SLC9A7: variants seen among roughly 807,000 people sequenced by gnomAD.
SLC9A7 encodes solute carrier family 9 member A7, also known as sodium/hydrogen exchanger 7.
Under a neutral mutation model 52.6 loss-of-function variants are expected in SLC9A7, and 19 were observed. The observed-to-expected ratio is 0.36, with a 90% confidence interval of 0.25 to 0.53. The LOEUF (loss-of-function observed/expected upper bound fraction) is 0.53. SLC9A7 is among the 20% of genes least tolerant of loss of function. SLC9A7 has a pLI of 0.91. For missense variants in SLC9A7, 455 were observed against 597.9 expected (o/e 0.76, Z 2.49); for synonymous variants, 226 against 252.1 (o/e 0.90, Z 0.98).
chrX:46,682,960 ATTTTTTTTT>A (rs1169630244), intron 1 of SLC9A7, among the ~76,000 whole-genome samples: 1 of 64,908 alleles, frequency 1.5e-5, no homozygotes, highest in Admixed American at 1.6e-4. Flanking sequence ...CACCCGGCTA[ATTTTTTTTT>A]TTTTTTTTTT....
intron 12 of SLC9A7, among the ~76,000 whole-genome samples, chrX:46,640,617 G>A (rs1943391547): frequency 8.9e-6 from 1 of 111,799 alleles, no homozygotes; most frequent in African/African-American, 3.3e-5. Flanking sequence ...TACACACTGG[G>A]AAAAAATATT....
intron 11 of SLC9A7, among the ~76,000 whole-genome samples, chrX:46,646,079 T>C: frequency 9.0e-6 from 1 of 110,721 alleles, no homozygotes; most frequent in Admixed American, 9.6e-5. Flanking sequence ...AAACTGTTTT[T>C]TTTTGTTTTT....
intron 11 of SLC9A7, among the ~76,000 whole-genome samples, chrX:46,648,250 T>C (rs182226224): frequency 8.8e-4 from 99 of 112,115 alleles, no homozygotes; most frequent in Non-Finnish European, 1.7e-3. Context: ...AGCTAATTAG[T>C]TCAATTTCAT....
At chrX:46,739,587 A>G (rs1468136483) in intron 1 of SLC9A7, among the ~76,000 whole-genome samples, 2 of 110,922 alleles carry the variant, frequency 1.8e-5, no homozygotes, top group Non-Finnish European at 3.8e-5. Flanking sequence ...GGCTCTGGTA[A>G]TACTACCTTC....
intron 7 of SLC9A7, among the ~76,000 whole-genome samples, chrX:46,659,028 AT>A (rs1305789883): frequency 9.0e-6 from 1 of 111,036 alleles, no homozygotes; most frequent in African/African-American, 3.3e-5. Flanking sequence ...ATCCACCATG[AT>A]CAAGTGGGCT....
At chrX:46,750,601 C>T (rs1479078187) in intron 1 of SLC9A7, among the ~76,000 whole-genome samples, 1 of 112,111 alleles carries the variant, frequency 8.9e-6, no homozygotes, top group Non-Finnish European at 1.9e-5. Flanking sequence ...CCTCCCGCTT[C>T]GGCCTCCCAA....
chrX:46,619,724 TTTTC>T (rs776568718), intron 15 of SLC9A7, among the ~76,000 whole-genome samples: 4 of 82,135 alleles, frequency 4.9e-5, no homozygotes, highest in Non-Finnish European at 6.6e-5. Context: ...GGTTTGGCAA[TTTTC>T]TTTCTTTCTT....
At chrX:46,737,070 T>C (rs759223008) in intron 1 of SLC9A7, among the ~76,000 whole-genome samples, 65 of 111,835 alleles carry the variant, frequency 5.8e-4, no homozygotes, top group Non-Finnish European at 9.4e-4. Context: ...CTCTTCTCCT[T>C]CCCCAATTAC....
intron 3 of SLC9A7, among the ~76,000 whole-genome samples, chrX:46,673,749 C>T (rs939239877): frequency 1.8e-5 from 2 of 111,599 alleles, no homozygotes; most frequent in Non-Finnish European, 3.8e-5. Flanking sequence ...TGCAGGCGTC[C>T]TCTGGTCTGC....
chrX:46,663,376 C>T (rs1194446392), intron 5 of SLC9A7, among the ~76,000 whole-genome samples: 6 of 101,656 alleles, frequency 5.9e-5, no homozygotes, highest in Non-Finnish European at 1.2e-4. Context: ...TGGTGGCTTA[C>T]GCCTGTAATC....
Position 46,617,303 on chromosome X carries a change from T to C in SLC9A7, c.1823+3674A>G, listed in dbSNP as rs763007603. The stretch of plus-strand genomic sequence containing the variant: ...TTTCTAATAATCTTCTCTAGTATCA[T>C]GACTGAAAAAGCCTTTCAACTCTCT... On this transcript the variant is annotated intron_variant, in intron 15 of 16. Coordinates refer to ENST00000616978, the MANE Select transcript of SLC9A7 (RefSeq NM_001257291.2). Among the ~76,000 whole-genome samples the C allele has an allele frequency of 2.7e-5, 3 of 112,157 alleles. No homozygotes were observed. The South Asian group carries it at 1.1e-3, about 41-fold the overall frequency.
At chrX:46,615,337 G>A (rs964925519) in intron 15 of SLC9A7, among the ~76,000 whole-genome samples, 1 of 111,962 alleles carries the variant, frequency 8.9e-6, no homozygotes, top group Admixed American at 9.5e-5. Context: ...CAACGCGCCC[G>A]GCCTGGAGCT....
At position 46,602,013 on chromosome X, in the gene SLC9A7, A is replaced by C. The variant is rs1461019935; in HGVS notation, c.*4939T>G. Reference sequence around the variant, plus strand: ...GATAGGTGAAGGAAAAGAAAATCTGACTCCAGAGGGGACTATTAATTTAAT... The same window carrying C: ...GATAGGTGAAGGAAAAGAAAATCTGCCTCCAGAGGGGACTATTAATTTAAT... On this transcript the variant is annotated 3_prime_UTR_variant, in exon 17 of 17. Coordinates refer to ENST00000616978, the MANE Select transcript of SLC9A7 (RefSeq NM_001257291.2). 2 of 109,097 alleles carry C rather than the reference A, an allele frequency of 1.8e-5. No homozygotes were observed. The highest frequency in any genetic ancestry group is 6.6e-5 in the African/African-American group (2 of 30,177). 9.0% of individuals were successfully genotyped at this position (109,097 alleles called of 1,213,427 possible).
At chrX:46,738,026 CA>C (rs1400227047) in intron 1 of SLC9A7, among the ~76,000 whole-genome samples, 1 of 71,215 alleles carries the variant, frequency 1.4e-5, no homozygotes, top group African/African-American at 5.8e-5. Flanking sequence ...GACCCTGTCT[CA>C]AAAAAAAGAA....
At chrX:46,661,340 T>C (rs1943818128) in intron 7 of SLC9A7, among the ~76,000 whole-genome samples, 2 of 109,891 alleles carry the variant, frequency 1.8e-5, no homozygotes, top group Non-Finnish European at 3.8e-5. Context: ...ACCTGCACAT[T>C]GTGCACATGT....
intron 11 of SLC9A7, chrX:46,646,977 T>C: frequency 3.0e-6 from 1 of 333,749 alleles, no homozygotes; most frequent in Non-Finnish European, 5.8e-6. Flanking sequence ...CTATGAGAGG[T>C]GGTGGGACAT....
chrX:46,655,131 C>T (rs1424818034), intron 7 of SLC9A7, among the ~76,000 whole-genome samples: 1 of 108,864 alleles, frequency 9.2e-6, no homozygotes, highest in Non-Finnish European at 1.9e-5. Context: ...ATTACAGGTG[C>T]ACACCACCAC....
chrX:46,616,626 C>A (rs770484995), intron 15 of SLC9A7, among the ~76,000 whole-genome samples: 1 of 111,623 alleles, frequency 9.0e-6, no homozygotes, highest in South Asian at 3.7e-4. Context: ...TGTTATTTTT[C>A]TTCCTTCTTA....
intron 13 of SLC9A7, among the ~76,000 whole-genome samples, chrX:46,633,014 C>T (rs763283130): frequency 9.1e-6 from 1 of 110,009 alleles, no homozygotes; most frequent in Non-Finnish European, 1.9e-5. Flanking sequence ...CTTGCACCTT[C>T]CTCATTCTGA....
Sources: allele counts gnomAD v4.1 joint callset (sites outside exome capture counted in the v4.1 genomes callset), GRCh38; gene constraint gnomAD v4.1.1; transcripts MANE v1.5; gene names NCBI Gene and HGNC (gene_info 2026-07-23, HGNC 2026-07-21).